The following CEP350 variants were observed in gnomAD, a reference collection of about 807,000 sequenced individuals.
CEP350 encodes centrosome-associated protein 350.
Under a neutral mutation model 331.8 loss-of-function variants are expected in CEP350, and 126 were observed. That is an observed-to-expected ratio of 0.38 (90% confidence interval 0.33 to 0.44). The LOEUF is 0.44. Among genes scored for constraint, CEP350 ranks in the 20% least tolerant of loss-of-function variants. The pLI, the probability that CEP350 is intolerant of heterozygous loss-of-function variation, is 1.00. For missense variants in CEP350, 3,406 were observed against 3,634.6 expected (o/e 0.94, Z 1.62); for synonymous variants, 1,200 against 1,259.5 (o/e 0.95, Z 1.00).
chr1:179,992,019 GTATTTTA>G (rs1391527706), intron 4 of CEP350, 36 bp from the exon 5 acceptor site: 1 of 1,474,480 alleles, frequency 6.8e-7, no homozygotes, highest in Non-Finnish European at 8.9e-7. Context: ...AGAGGCAGTT[GTATTTTA>G]TATTATATGT....
Position 180,000,101 on chromosome 1 carries a change from A to G in CEP350, c.1018+2926A>G, listed in dbSNP as rs184619218. 7.9e-5 allele frequency among the ~76,000 whole-genome samples: 12 copies of G among 152,336 alleles called. No individual in the cohort carries two copies. The East Asian group carries it at 2.3e-3, about 29-fold the overall frequency. ...ATTTAATAAATTTAACCAGTAAGAA[A>G]AAAAGTGGACAAAGAAATGGAAATA... On this transcript the variant is annotated intron_variant, in intron 6 of 37. Transcript: ENST00000367607.
intron 31 of CEP350, among the ~76,000 whole-genome samples, chr1:180,084,451 G>A (rs561369781): frequency 2.6e-5 from 4 of 152,186 alleles, no homozygotes; most frequent in Admixed American, 2.0e-4. Context: ...TGCAAGATCC[G>A]CCCCCTGGGT....
intron 24 of CEP350, 40 bp from the exon 25 acceptor site, chr1:180,054,375 T>C (rs1160425890): frequency 1.4e-6 from 2 of 1,454,898 alleles, no homozygotes; most frequent in African/African-American, 1.4e-5. Context: ...TAAGAGAAAT[T>C]TAATCAAATC....
At chr1:180,057,731 G>T (rs1657948574) in intron 25 of CEP350, among the ~76,000 whole-genome samples, 1 of 152,106 alleles carries the variant, frequency 6.6e-6, no homozygotes, top group South Asian at 2.1e-4. Flanking sequence ...TTCATTCAAA[G>T]ATTGTGCTGG....
Position 180,095,671 on chromosome 1 carries a change from A to C in CEP350, c.8660A>C (p.Gln2887Pro). Residue 2887 changes from glutamine (Q) to proline (P), a missense_variant, in exon 35 of 38, where the codon CAA becomes CCA. Coordinates refer to ENST00000367607, the MANE Select transcript of CEP350 (RefSeq NM_014810.5). ...DFGLSSSHKI[Q>P]KNKAEETIVP... ...GGTTTGAGCTCTTCTCACAAGATCC[A>C]AAAAAATAAGGCAGAAGAAACCATT... 1 of 1,613,936 alleles carries C rather than the reference A, an allele frequency of 6.2e-7. No homozygotes were observed. The highest frequency in any genetic ancestry group is 2.2e-5 in the East Asian group (1 of 44,876).
Position 180,111,001 on chromosome 1 carries a change from A to G in CEP350, c.9194A>G (p.Gln3065Arg), listed in dbSNP as rs951180335. 2 of 1,613,608 alleles carry G rather than the reference A, an allele frequency of 1.2e-6. No homozygotes were observed. Among genetic ancestry groups the G allele is most frequent in the Non-Finnish European group, 1.7e-6 (2 of 1,179,560 alleles). The change falls in exon 38 of 38, where the codon CAG becomes CGG. Residue 3065 changes from glutamine to arginine, a missense_variant. Coordinates refer to ENST00000367607, the MANE Select transcript of CEP350 (RefSeq NM_014810.5). ...TTATTGTCTTCTAAATCCTAGGTTC[A>G]GGAGCTCCATGAGGAGGAGGCACAG... ...KRDRVDHILV[Q>R]ELHEEEAQWV...
rs146421543 is a variant in CEP350, at chr1:180,033,229, G to A, written c.3726-633G>A. On this transcript the variant is annotated intron_variant, in intron 15 of 37. Coordinates refer to ENST00000367607, the MANE Select transcript of CEP350 (RefSeq NM_014810.5). ...ACTTTTTCAAAGAAAGGCTAGAAAC[G>A]TGCCTTGTATTGAATTAAATGCCTT... Among the ~76,000 whole-genome samples the A allele has an allele frequency of 4.2e-3, 644 of 152,148 alleles. 3 individuals are homozygous for A. The highest frequency in any genetic ancestry group is 0.015 in the African/African-American group (610 of 41,524).
chr1:180,105,244 C>T (rs1661078531), intron 37 of CEP350, among the ~76,000 whole-genome samples: 1 of 152,152 alleles, frequency 6.6e-6, no homozygotes, highest in Non-Finnish European at 1.5e-5. Context: ...GCTGCTGCTC[C>T]TTGGTCTCCT....
At chr1:180,097,959 TTTG>T (rs1321675084) in intron 36 of CEP350, among the ~76,000 whole-genome samples, 1 of 152,058 alleles carries the variant, frequency 6.6e-6, no homozygotes, top group Non-Finnish European at 1.5e-5. Flanking sequence ...TAATGGTAGT[TTTG>T]TTGTTGTTTT....
intron 4 of CEP350, 87 bp from the exon 5 acceptor site, chr1:179,991,975 A>G: frequency 8.0e-7 from 1 of 1,253,782 alleles, no homozygotes; most frequent in Non-Finnish European, 1.1e-6. Context: ...AATAATAGAT[A>G]CCTAATTTTT....
intron 22 of CEP350, among the ~76,000 whole-genome samples, chr1:180,049,542 CCT>C (rs1034342330): frequency 7.1e-6 from 1 of 140,278 alleles, no homozygotes; most frequent in African/African-American, 2.8e-5. Context: ...CTTACTTACA[CCT>C]TTTTTTTTTT....
At chr1:179,959,628 C>T (rs1408579161) in intron 1 of CEP350, among the ~76,000 whole-genome samples, 1 of 151,940 alleles carries the variant, frequency 6.6e-6, no homozygotes, top group African/African-American at 2.4e-5. Flanking sequence ...GTGGCAGGCT[C>T]CTATAATCCC....
In CEP350 at chr1:179,986,173, A is replaced by T. The variant is rs201265857; in HGVS notation, c.-9A>T. 3.2e-6 allele frequency: 5 copies of T among 1,550,454 alleles called. No individual in the cohort carries two copies. The African/African-American group carries it at 6.8e-5, about 21-fold the overall frequency. ...TGAATACTGATGTGATTGCAGGTAA[A>T]TTGGCAGGATGAGGAGCAGCAAATC... On this transcript the variant is annotated 5_prime_UTR_variant, in exon 2 of 38. Transcript: ENST00000367607.
intron 27 of CEP350, among the ~76,000 whole-genome samples, chr1:180,074,372 A>G (rs3818999): frequency 0.57 from 86,109 of 152,022 alleles, 26,292 homozygotes; most frequent in East Asian, 0.72. Context: ...CCCTTTACTC[A>G]AGTAAATAAA....
chr1:180,097,237 T>A (rs1182905041), intron 36 of CEP350, among the ~76,000 whole-genome samples: 9 of 152,264 alleles, frequency 5.9e-5, no homozygotes, highest in Admixed American at 5.9e-4. Context: ...TGTTTACATG[T>A]TACAACTACA....
chr1:180,061,064 A>G (rs1029163287), intron 25 of CEP350, among the ~76,000 whole-genome samples: 2 of 152,162 alleles, frequency 1.3e-5, no homozygotes, highest in Non-Finnish European at 2.9e-5. Context: ...GGTGTTTTGG[A>G]AATGTAGATG....
chr1:180,020,965 G>A lies in CEP350; in HGVS notation c.3191G>A (p.Ser1064Asn), dbSNP rs1446125086. The A allele has an allele frequency of 6.3e-6, 10 of 1,579,698 alleles. No individual in the cohort carries two copies. Among genetic ancestry groups the A allele is most frequent in the Non-Finnish European group, 8.6e-6 (10 of 1,169,120 alleles). Residue 1064 changes from serine to asparagine, a missense_variant, in exon 12 of 38, where the codon AGC (serine) becomes AAC (asparagine). Around this residue, in one of 5 missense-constraint regions of CEP350, gnomAD observed 1,857 missense variants for 1,909.2 expected, o/e 0.97. Transcript: ENST00000367607. Reference protein sequence around the residue: ...WEELAKGSPHSVINIFTKSYQ... With the variant: ...WEELAKGSPHNVINIFTKSYQ... ...GAATTGGCAAAGGGAAGTCCACATA[G>A]CGTCATTAATATTTTTACAAAATCC...
In CEP350 at chr1:180,084,079, GA is replaced by G; in HGVS notation, c.6190del (p.Arg2064GlufsTer5). ...RIRALKDELRKRKSVVNQLKK... is the reference protein window; with the variant it reads ...RIRALKDELRXRKSVVNQLKK... ...TCAGAGCTCTGAAGGATGAGTTGCG[GA>G]AAAGAAAATCAGTTGTGAACCAGCT... On this transcript the variant is annotated frameshift_variant, in exon 31 of 38. Transcript: ENST00000367607. LOFTEE classifies it high-confidence loss of function. The G allele has an allele frequency of 6.2e-7, 1 of 1,601,620 alleles. No individual in the cohort carries two copies. Among genetic ancestry groups the G allele is most frequent in the Non-Finnish European group, 8.5e-7 (1 of 1,173,546 alleles).
At chr1:180,041,512 G>A in intron 18 of CEP350, 150 bp from the exon 19 acceptor site, 1 of 805,174 alleles carries the variant, frequency 1.2e-6, no homozygotes, top group Non-Finnish European at 1.9e-6. Flanking sequence ...CTTGTGAACA[G>A]TAGAGTTAAG....
Sources: gnomAD v4.1 joint callset for allele counts (sites outside exome capture counted in the v4.1 genomes callset) on GRCh38, gnomAD v4.1.1 for gene constraint, gnomAD v4.1.1 regional missense constraint, MANE v1.5 for transcripts, NCBI Gene and HGNC (gene_info 2026-07-23, HGNC 2026-07-21) for gene names.